The following SPACA7 variants were observed in gnomAD, a reference collection of about 807,000 sequenced individuals.
The protein encoded by SPACA7 is sperm acrosome-associated protein 7.
In SPACA7, 19 loss-of-function variants were observed where a neutral mutation model predicts 26.3. The ratio of observed to expected loss-of-function variants is 0.72; its 90% CI spans 0.50 to 1.06. The LOEUF (loss-of-function observed/expected upper bound fraction) is 1.06, where lower values mean the gene tolerates loss of function less well. SPACA7 is among the 50% of genes least tolerant of loss of function. SPACA7 has a pLI of 0.00. For missense variants in SPACA7, 211 were observed against 229.9 expected (o/e 0.92, Z 0.53); for synonymous variants, 84 against 84.5 (o/e 0.99, Z 0.04).
At position 112,381,493 on chromosome 13, in the gene SPACA7, C is replaced by CAAA. The variant is rs1884057942; in HGVS notation, c.94+5014_94+5015insAAA. Among the ~76,000 whole-genome samples, 21 of 142,664 alleles carry CAAA rather than the reference C, an allele frequency of 1.5e-4. No homozygotes were observed. The South Asian group carries it at 4.7e-3, about 32-fold the overall frequency. 93.6% of individuals were successfully genotyped at this position (142,664 alleles called of 152,430 possible). A position where few individuals can be genotyped will look rare whatever the true frequency, so the allele number is the denominator to read the frequency against. ...GGCTGACAGAATGAGACCCTGTCCC[C>CAAA]CAAAAAAAAAAAAAAAAATGCAGAC... On this transcript the variant is annotated intron_variant, in intron 1 of 6. Transcript: ENST00000283550.
intron 1 of SPACA7, among the ~76,000 whole-genome samples, chr13:112,391,805 C>G (rs1350163498): frequency 6.6e-6 from 1 of 152,202 alleles, no homozygotes; most frequent in Non-Finnish European, 1.5e-5. Flanking sequence ...CAGCTGTACC[C>G]ATTCTTAATG....
rs552315855 is a variant in SPACA7, at chr13:112,420,257, A to T, written c.446-12187A>T. Among the ~76,000 whole-genome samples, 5 of 152,294 alleles carry T rather than the reference A, an allele frequency of 3.3e-5. No individual in the cohort carries two copies. The South Asian group carries it at 1.0e-3, about 32-fold the overall frequency. On this transcript the variant is annotated intron_variant, in intron 5 of 6. Coordinates refer to ENST00000283550, the MANE Select transcript of SPACA7 (RefSeq NM_145248.5). ...ATAAAGTAATAAACAACAGAACCAG[A>T]CACAGAGATGTCCCAGATGTTGGAA... is the stretch of plus-strand genomic sequence containing the variant.
intron 1 of SPACA7, among the ~76,000 whole-genome samples, chr13:112,387,549 G>C (rs966082603): frequency 2.0e-5 from 3 of 152,216 alleles, no homozygotes; most frequent in Non-Finnish European, 1.5e-5. Flanking sequence ...CTTGCAGAGA[G>C]ACAAATAGTT....
intron 1 of SPACA7, among the ~76,000 whole-genome samples, chr13:112,381,829 C>T (rs952041564): frequency 1.3e-5 from 2 of 152,132 alleles, no homozygotes; most frequent in Admixed American, 1.3e-4. Context: ...ATCAGATGAG[C>T]CACTTTATCC....
At position 112,398,391 on chromosome 13, in the gene SPACA7, C is replaced by T. The variant is rs547857357; in HGVS notation, c.241+253C>T. ...GATCTCTGGAGTGCGTGTTCAGGCA[C>T]GTTCTCGCCCTCGGGAGCCACTGCA... is the stretch of plus-strand genomic sequence containing the variant. On this transcript the variant is annotated intron_variant, in intron 3 of 6. Coordinates refer to ENST00000283550, the MANE Select transcript of SPACA7 (RefSeq NM_145248.5). Among the ~76,000 whole-genome samples, 18 of 152,092 alleles carry T rather than the reference C, an allele frequency of 1.2e-4. No homozygotes were observed. The South Asian group carries it at 2.3e-3, about 19-fold the overall frequency.
chr13:112,390,813 G>A (rs1201294088), intron 1 of SPACA7, among the ~76,000 whole-genome samples: 1 of 152,138 alleles, frequency 6.6e-6, no homozygotes, highest in African/African-American at 2.4e-5. Context: ...TCCAACACTA[G>A]GAATTACAAT....
At position 112,401,149 on chromosome 13, in the gene SPACA7, A is replaced by G; in HGVS notation, c.430A>G (p.Ser144Gly). ...GPQVSPGSEK[S>G]VSSKEKNSKN... ...ACAGGTGTCTCCTGGCAGTGAGAAGAGTGTTTCCAGTAAAGGTAAATGTGC... is the reference window on the plus strand; with the variant it reads ...ACAGGTGTCTCCTGGCAGTGAGAAGGGTGTTTCCAGTAAAGGTAAATGTGC... The change falls in exon 5 of 7, where the codon AGT becomes GGT. Residue 144 changes from serine (S) to glycine (G), a missense_variant. Transcript: ENST00000283550. 1 of 1,613,714 alleles carries G rather than the reference A, an allele frequency of 6.2e-7. No homozygotes were observed.
At chr13:112,393,854 T>G (rs1202630356) in intron 2 of SPACA7, among the ~76,000 whole-genome samples, 4 of 152,068 alleles carry the variant, frequency 2.6e-5, no homozygotes, top group Non-Finnish European at 4.4e-5. Context: ...GGCGTGGTGA[T>G]GTGTGCCTGT....
intron 1 of SPACA7, among the ~76,000 whole-genome samples, chr13:112,390,464 C>A (rs190701051): frequency 2.0e-5 from 3 of 146,476 alleles, no homozygotes; most frequent in African/African-American, 8.3e-5. Context: ...TTAGCACAAT[C>A]CGAGAGCAGC....
chr13:112,417,998 A>G (rs916945284), intron 5 of SPACA7, among the ~76,000 whole-genome samples: 2 of 151,722 alleles, frequency 1.3e-5, no homozygotes, highest in African/African-American at 2.4e-5. Context: ...TTTCTGTGTC[A>G]TTTTTTGAGG....
rs553283358 is a variant in SPACA7 at position 112,425,531 on chromosome 13, C to T, written c.446-6913C>T. Among the ~76,000 whole-genome samples the T allele has an allele frequency of 1.8e-4, 27 of 152,190 alleles. No homozygotes were observed. In the South Asian group the frequency reaches 5.2e-3, roughly 29 times the overall value. On this transcript the variant is annotated intron_variant, in intron 5 of 6. Coordinates refer to ENST00000283550, the MANE Select transcript of SPACA7 (RefSeq NM_145248.5). ...GGATGGGCCATAAAGTCCATTTATT[C>T]GATTGGCACCAACATTTGAAAAAGA...
chr13:112,418,302 C>T (rs1393458538), intron 5 of SPACA7, among the ~76,000 whole-genome samples: 1 of 152,158 alleles, frequency 6.6e-6, no homozygotes, highest in East Asian at 1.9e-4. Flanking sequence ...GTAATTTTCC[C>T]TTATGAAACA....
At chr13:112,394,538 GA>G (rs11344458) in intron 2 of SPACA7, among the ~76,000 whole-genome samples, 60,360 of 141,730 alleles carry the variant, frequency 0.43, 8,871 homozygotes, top group South Asian at 0.52. Flanking sequence ...AGAGGCCTGG[GA>G]AAAGCTCTGC....
At chr13:112,427,395 A>G (rs1328174928) in intron 5 of SPACA7, among the ~76,000 whole-genome samples, 1 of 152,200 alleles carries the variant, frequency 6.6e-6, no homozygotes, top group Non-Finnish European at 1.5e-5. Flanking sequence ...GGAGAATCAC[A>G]TGTGATTGAT....
At chr13:112,426,594 A>G (rs1217859938) in intron 5 of SPACA7, among the ~76,000 whole-genome samples, 1 of 152,230 alleles carries the variant, frequency 6.6e-6, no homozygotes, top group African/African-American at 2.4e-5. Context: ...TTTTTAGCAT[A>G]AAGATCTGGC....
chr13:112,405,768 T>C (rs1885950219), intron 5 of SPACA7, among the ~76,000 whole-genome samples: 1 of 152,198 alleles, frequency 6.6e-6, no homozygotes, highest in Admixed American at 6.5e-5. Context: ...AAATTCTCTA[T>C]TATAAATATT....
chr13:112,401,212 C>G, intron 5 of SPACA7, 48 bp downstream of exon 5: 1 of 1,463,508 alleles, frequency 6.8e-7, no homozygotes, highest in Non-Finnish European at 9.6e-7. Context: ...GAGACGGAGG[C>G]ATGAGTGTGT....
intron 1 of SPACA7, among the ~76,000 whole-genome samples, chr13:112,390,718 G>A (rs773697064): frequency 6.6e-6 from 1 of 152,186 alleles, no homozygotes; most frequent in Non-Finnish European, 1.5e-5. Flanking sequence ...TGTAAACAAC[G>A]AAATCTCAGG....
At chr13:112,411,959 C>T (rs1284159043) in intron 5 of SPACA7, among the ~76,000 whole-genome samples, 1 of 152,048 alleles carries the variant, frequency 6.6e-6, no homozygotes, top group African/African-American at 2.4e-5. Flanking sequence ...GACATATACC[C>T]ATCACATCAG....
Sources: allele counts gnomAD v4.1 joint callset (sites outside exome capture counted in the v4.1 genomes callset), GRCh38; gene constraint gnomAD v4.1.1; transcripts MANE v1.5; gene names NCBI Gene and HGNC (gene_info 2026-07-23, HGNC 2026-07-21).